LAMA1: variants seen among roughly 807,000 people sequenced by gnomAD.
The protein encoded by LAMA1 is laminin subunit alpha 1.
In LAMA1, 219 loss-of-function variants were observed where a neutral mutation model predicts 348.7. That is an observed-to-expected ratio of 0.63 (90% CI 0.56 to 0.70). LAMA1 has a LOEUF of 0.70. LAMA1 is among the 30% of genes least tolerant of loss of function. The pLI is 0.00. For missense variants in LAMA1, 3,744 were observed against 3,888.0 expected (o/e 0.96, Z 0.99); for synonymous variants, 1,487 against 1,491.0 (o/e 1.00, Z 0.06).
intron 39 of LAMA1, 34 bp downstream of exon 39, chr18:6,985,203 A>AAG: frequency 6.2e-7 from 1 of 1,613,424 alleles, no homozygotes; most frequent in Non-Finnish European, 8.5e-7. Context: ...AATAGACTGC[A>AAG]AGCTCTTGAG....
intron 3 of LAMA1, among the ~76,000 whole-genome samples, chr18:7,054,441 T>C (rs540538584): frequency 6.6e-6 from 1 of 152,274 alleles, no homozygotes; most frequent in South Asian, 2.1e-4. Context: ...ACAGTAAACT[T>C]AGATTACTAA....
At chr18:6,952,528 ACAG>A (rs1403616139) in intron 57 of LAMA1, among the ~76,000 whole-genome samples, 2 of 152,192 alleles carry the variant, frequency 1.3e-5, no homozygotes, top group Admixed American at 1.3e-4. Flanking sequence ...CACAGAGGTT[ACAG>A]CAGTCCCTTC....
At chr18:7,093,851 C>A (rs113971256) in intron 1 of LAMA1, among the ~76,000 whole-genome samples, 5,266 of 150,822 alleles carry the variant, frequency 0.035, 303 homozygotes, top group African/African-American at 0.12. Context: ...ATCGGCTCCC[C>A]GCATCCTCCG....
rs2057500310 is a variant in LAMA1 at position 6,941,978 on chromosome 18, T to G, written c.*101A>C. ...CATCTCTCCCCAGAAACACTTAACC[T>G]GAGTTGGAAATGAAATATGAACTGA... On this transcript the variant is annotated 3_prime_UTR_variant, in exon 63 of 63. Coordinates refer to ENST00000389658, the MANE Select transcript of LAMA1 (RefSeq NM_005559.4). 4.1e-6 allele frequency: 6 copies of G among 1,468,998 alleles called. No homozygotes were observed. In the East Asian group the frequency reaches 1.4e-4, roughly 33 times the overall value. The allele number at this position is 1,468,998 out of a possible 1,614,324, so 91.0% of individuals were successfully genotyped here.
chr18:6,987,559 T>C (rs1398729369), intron 36 of LAMA1, among the ~76,000 whole-genome samples: 1 of 152,212 alleles, frequency 6.6e-6, no homozygotes, highest in Non-Finnish European at 1.5e-5. Flanking sequence ...TATAGCTGCA[T>C]AGAATAATAA....
At position 6,948,452 on chromosome 18, in the gene LAMA1, T is replaced by C; in HGVS notation, c.8661A>G (p.Ala2887=). ...VSAFTVNRCY[A]VAQEGTYFDG... ...CAAAGTATGTTCCTTCCTGGGCCAC[T>C]GCGTAGCACCTGTTCACCGTGAAGG... is the stretch of plus-strand genomic sequence containing the variant. Residue 2887 remains alanine, a synonymous_variant, in exon 60 of 63, where the codon GCA becomes GCG. Transcript: ENST00000389658. 5 of 1,614,198 alleles carry C rather than the reference T, an allele frequency of 3.1e-6. No homozygotes were observed. Among genetic ancestry groups the C allele is most frequent in the Non-Finnish European group, 4.2e-6 (5 of 1,180,036 alleles).
intron 3 of LAMA1, among the ~76,000 whole-genome samples, chr18:7,058,188 A>C (rs1231397249): frequency 1.3e-5 from 2 of 152,176 alleles, no homozygotes; most frequent in East Asian, 3.8e-4. Flanking sequence ...ATATATAAGA[A>C]AATGATACTA....
At position 6,942,239 on chromosome 18, in the gene LAMA1, G is replaced by T. The variant is rs527377399; in HGVS notation, c.9068C>A (p.Ala3023Asp). ...NNPIYVGGYPAGVKQKCLRSQ... is the reference protein window; with the variant it reads ...NNPIYVGGYPDGVKQKCLRSQ... ...GCGCAGGCATTTTTGCTTCACACCA[G>T]CTGTTCAGGAAAGAAGAGAAGACAA... Residue 3023 changes from alanine to aspartate, a missense_variant and splice_region_variant, in exon 63 of 63, where the codon GCT (alanine) becomes GAT (aspartate). This residue lies in a region of LAMA1 where 232 missense variants were observed against 264.4 expected (regional missense o/e 0.88). Coordinates refer to ENST00000389658, the MANE Select transcript of LAMA1 (RefSeq NM_005559.4). 5.6e-6 allele frequency: 9 copies of T among 1,613,936 alleles called. No individual in the cohort carries two copies. In the South Asian group the frequency reaches 8.8e-5, roughly 16 times the overall value.
At chr18:7,065,891 C>T (rs2143755456) in intron 3 of LAMA1, among the ~76,000 whole-genome samples, 1 of 152,304 alleles carries the variant, frequency 6.6e-6, no homozygotes, top group Admixed American at 6.5e-5. Flanking sequence ...CCGAAACAGT[C>T]AGGCCAGAGC....
intron 47 of LAMA1, 125 bp from the exon 48 acceptor site, chr18:6,972,106 C>A: frequency 8.5e-7 from 1 of 1,181,492 alleles, no homozygotes; most frequent in Non-Finnish European, 1.2e-6. Context: ...GAGAGAGCCA[C>A]ATTAGAAAAA....
At chr18:7,019,697 T>TCC (rs1279807045) in intron 19 of LAMA1, among the ~76,000 whole-genome samples, 1,504 of 139,788 alleles carry the variant, frequency 0.011, 25 homozygotes, top group African/African-American at 0.037. Context: ...TTTTTTTTTT[T>TCC]TTGAGACAGG....
chr18:7,032,967 G>A lies in LAMA1; in HGVS notation c.2163+17C>T, dbSNP rs751963777. The A allele has an allele frequency of 1.1e-5, 18 of 1,568,358 alleles. No individual in the cohort carries two copies. In the South Asian group the frequency reaches 1.6e-4, roughly 14 times the overall value. ...GGAAGGAACGAAAGGAAAAAGACAG[G>A]AAGAGAGAAGCGTCACCTCACAGGA... On this transcript the variant is annotated intron_variant, in intron 15 of 62. Coordinates refer to ENST00000389658, the MANE Select transcript of LAMA1 (RefSeq NM_005559.4).
chr18:6,999,853 T>C, intron 31 of LAMA1, 58 bp downstream of exon 31: 1 of 1,479,204 alleles, frequency 6.8e-7, no homozygotes, highest in South Asian at 1.1e-5. Context: ...ATATGCCCAA[T>C]ACCTTATAAA....
intron 12 of LAMA1, 60 bp downstream of exon 12, chr18:7,037,514 GTTCT>G: frequency 1.9e-6 from 3 of 1,588,332 alleles, no homozygotes; most frequent in Non-Finnish European, 2.6e-6. Context: ...GGCAGCGCAA[GTTCT>G]TTCTCAGTGT....
At chr18:6,987,277 A>G (rs922189601) in intron 36 of LAMA1, among the ~76,000 whole-genome samples, 5 of 152,214 alleles carry the variant, frequency 3.3e-5, no homozygotes, top group Non-Finnish European at 7.3e-5. Context: ...TGTTGATGGG[A>G]ACTGCAATCT....
chr18:7,115,807 A>G (rs944324873), intron 1 of LAMA1, among the ~76,000 whole-genome samples: 3 of 131,778 alleles, frequency 2.3e-5, no homozygotes, highest in African/African-American at 9.7e-5. Flanking sequence ...TGTCTCCACT[A>G]AAAATACAAA....
rs200710797 is a variant in LAMA1, at chr18:7,015,737, C to T, written c.3111G>A (p.Ala1037=). ...CAGTGCTCACCTGGCACCCCACCTC[C>T]GCATCGTAGCCCCAGTGCCCATCCT... ...ECEDGHWGYD[A]EVGCQACNCS... The change falls in exon 22 of 63, where the codon GCG becomes GCA. Residue 1037 remains alanine (A), a synonymous_variant. Transcript: ENST00000389658. 6.1e-5 allele frequency: 98 copies of T among 1,613,888 alleles called. No individual in the cohort carries two copies. Among genetic ancestry groups the T allele is most frequent in the Middle Eastern group, 1.7e-4 (1 of 5,996 alleles).
chr18:7,078,456 G>A (rs562518274), intron 3 of LAMA1, among the ~76,000 whole-genome samples: 172 of 151,614 alleles, frequency 1.1e-3, no homozygotes, highest in South Asian at 1.9e-3. Flanking sequence ...GTGAGCCACC[G>A]CACCTGGCTC....
rs1266743808 is a variant in LAMA1, at chr18:7,049,081, T to C, written c.765A>G (p.Arg255=). 1.2e-6 allele frequency: 2 copies of C among 1,613,818 alleles called. No individual in the cohort carries two copies. Among genetic ancestry groups the C allele is most frequent in the Non-Finnish European group, 1.7e-6 (2 of 1,179,816 alleles). Reference sequence around the variant, plus strand: ...AGGACTGCCGTCCCATACTCACGCGTCTGGTAACAATAGGATCCAGTTCTT... The same window carrying C: ...AGGACTGCCGTCCCATACTCACGCGCCTGGTAACAATAGGATCCAGTTCTT... The part of the protein sequence containing the change: ...EPKELDPIVT[R]RYYYSIKDIS... The change falls in exon 5 of 63, where the codon AGA becomes AGG. Residue 255 remains arginine, a synonymous_variant. Coordinates refer to ENST00000389658, the MANE Select transcript of LAMA1 (RefSeq NM_005559.4).
Sources: gnomAD v4.1 joint callset for allele counts (sites outside exome capture counted in the v4.1 genomes callset) on GRCh38, gnomAD v4.1.1 for gene constraint, gnomAD v4.1.1 regional missense constraint, MANE v1.5 for transcripts, NCBI Gene and HGNC (gene_info 2026-07-23, HGNC 2026-07-21) for gene names.